ADAMTSL3: variants seen among roughly 807,000 people sequenced by gnomAD.
ADAMTSL3 encodes the protein ADAMTS like 3.
ADAMTSL3 carries 128 observed loss-of-function variants against 201.7 expected under a neutral mutation model. The observed-to-expected ratio is 0.63, with a 90% confidence interval of 0.55 to 0.73. The LOEUF (loss-of-function observed/expected upper bound fraction) is 0.73. Ranked by LOEUF, ADAMTSL3 falls within the 30% of genes least tolerant of loss-of-function variation. The pLI is 0.00. For synonymous variants in ADAMTSL3, 738 were observed against 748.4 expected (o/e 0.99, Z 0.23); for missense variants, 1,990 against 2,119.6 (o/e 0.94, Z 1.20).
intron 5 of ADAMTSL3, among the ~76,000 whole-genome samples, chr15:83,818,292 A>G (rs2063799831): frequency 6.6e-6 from 1 of 150,558 alleles, no homozygotes; most frequent in Non-Finnish European, 1.5e-5. Context: ...CCTTTATAAT[A>G]CAAAAAAATA....
chr15:83,736,607 G>A (rs937562169), intron 3 of ADAMTSL3, among the ~76,000 whole-genome samples: 10 of 152,192 alleles, frequency 6.6e-5, no homozygotes, highest in Non-Finnish European at 1.2e-4. Context: ...GAAGTCCCAA[G>A]GACTGAATCA....
chr15:83,798,125 C>T (rs1298074875), intron 4 of ADAMTSL3, among the ~76,000 whole-genome samples: 2 of 152,182 alleles, frequency 1.3e-5, no homozygotes, highest in East Asian at 3.9e-4. Flanking sequence ...AGGTTTTTGG[C>T]ACAATATGAT....
At chr15:83,701,596 C>T (rs115252424) in intron 2 of ADAMTSL3, among the ~76,000 whole-genome samples, 1 of 152,358 alleles carries the variant, frequency 6.6e-6, no homozygotes, top group South Asian at 2.1e-4. Context: ...ATCCCCCATA[C>T]TGTTCTCATG....
At chr15:83,815,100 C>T (rs1236607180) in intron 5 of ADAMTSL3, among the ~76,000 whole-genome samples, 1 of 152,174 alleles carries the variant, frequency 6.6e-6, no homozygotes, top group Non-Finnish European at 1.5e-5. Context: ...TCTCTTCCTC[C>T]TATCCTTCTC....
intron 5 of ADAMTSL3, among the ~76,000 whole-genome samples, chr15:83,816,453 T>C (rs2063772511): frequency 1.3e-5 from 2 of 152,222 alleles, no homozygotes; most frequent in Admixed American, 1.3e-4. Flanking sequence ...GTTAATTTTG[T>C]GAAACTTCAT....
intron 21 of ADAMTSL3, among the ~76,000 whole-genome samples, chr15:83,984,971 A>C (rs977806302): frequency 3.9e-5 from 6 of 152,252 alleles, no homozygotes; most frequent in Admixed American, 1.3e-4. Context: ...AAAACTAGAC[A>C]AAGGGTCATT....
chr15:83,672,659 C>A (rs1018269530), intron 2 of ADAMTSL3, among the ~76,000 whole-genome samples: 6 of 152,186 alleles, frequency 3.9e-5, no homozygotes, highest in Admixed American at 2.0e-4. Flanking sequence ...GAAACAAGTC[C>A]AACACCCTTT....
chr15:83,748,607 G>T (rs1045592510), intron 3 of ADAMTSL3, among the ~76,000 whole-genome samples: 5 of 131,238 alleles, frequency 3.8e-5, no homozygotes, highest in African/African-American at 1.5e-4. Context: ...CTGAGATTGT[G>T]CCAATGCACA....
In ADAMTSL3 at chr15:83,739,532, A is replaced by G. The variant is rs181374245; in HGVS notation, c.190-33991A>G. ...TATACATGAAACATAAATGAATTTC[A>G]TGTTTAGAATTGGGTGCCATCCCCA... On this transcript the variant is annotated intron_variant, in intron 3 of 29. Transcript: ENST00000286744. Among the ~76,000 whole-genome samples the G allele has an allele frequency of 1.4e-3, 209 of 151,824 alleles. 1 individual carries two copies. Among genetic ancestry groups the G allele is most frequent in the African/African-American group, 4.9e-3 (204 of 41,408 alleles).
intron 5 of ADAMTSL3, among the ~76,000 whole-genome samples, chr15:83,815,819 T>C (rs1262573949): frequency 6.6e-6 from 1 of 152,244 alleles, no homozygotes; most frequent in Non-Finnish European, 1.5e-5. Flanking sequence ...CTAAAAACTT[T>C]CTAGGTCACA....
chr15:83,887,981 A>G lies in ADAMTSL3; in HGVS notation c.1073-2128A>G, dbSNP rs561059561. Among the ~76,000 whole-genome samples the G allele has an allele frequency of 3.9e-5, 6 of 152,304 alleles. No individual in the cohort carries two copies. In the South Asian group the frequency reaches 1.0e-3, roughly 26 times the overall value. On this transcript the variant is annotated intron_variant, in intron 10 of 29. Coordinates refer to ENST00000286744, the MANE Select transcript of ADAMTSL3 (RefSeq NM_207517.3). ...CACATTTGGATCCATAAGATAAAAG[A>G]CACTTACTACTCCAGAGGAGACATT...
At chr15:83,877,177 C>T (rs1423284918) in intron 9 of ADAMTSL3, among the ~76,000 whole-genome samples, 2 of 152,172 alleles carry the variant, frequency 1.3e-5, no homozygotes, top group African/African-American at 4.8e-5. Flanking sequence ...TGAGCTCAAG[C>T]GATTCTCCCA....
rs971744656 is a variant in ADAMTSL3 at position 83,827,513 on chromosome 15, T to C, written c.600+7466T>C. ...TTTGCTGTGCAGAAGCTCTTTAGTTTAGTTAGATCCCATTTGTCAAGTTTG... is the reference window on the plus strand; with the variant it reads ...TTTGCTGTGCAGAAGCTCTTTAGTTCAGTTAGATCCCATTTGTCAAGTTTG... On this transcript the variant is annotated intron_variant, in intron 6 of 29. Coordinates refer to ENST00000286744, the MANE Select transcript of ADAMTSL3 (RefSeq NM_207517.3). Among the ~76,000 whole-genome samples, 16 of 152,352 alleles carry C rather than the reference T, an allele frequency of 1.1e-4. 1 individual carries two copies. Among genetic ancestry groups the C allele is most frequent in the African/African-American group, 3.8e-4 (16 of 41,584 alleles).
intron 27 of ADAMTSL3, among the ~76,000 whole-genome samples, chr15:84,030,784 T>G (rs765726511): frequency 1.3e-5 from 2 of 152,192 alleles, no homozygotes; most frequent in Non-Finnish European, 2.9e-5. Flanking sequence ...TCTTGAATTT[T>G]AATCCCCACA....
intron 5 of ADAMTSL3, among the ~76,000 whole-genome samples, chr15:83,807,117 A>G (rs987399993): frequency 1.3e-5 from 2 of 152,222 alleles, no homozygotes; most frequent in East Asian, 3.8e-4. Context: ...GATATTCAGG[A>G]ATAAATTTAA....
intron 8 of ADAMTSL3, among the ~76,000 whole-genome samples, chr15:83,870,377 C>G (rs1029019708): frequency 6.6e-6 from 1 of 152,114 alleles, no homozygotes; most frequent in African/African-American, 2.4e-5. Context: ...GAAATTATTT[C>G]AAAATCAAAA....
At position 83,971,251 on chromosome 15, in the gene ADAMTSL3, G is replaced by A. The variant is rs140121585; in HGVS notation, c.2644+614G>A. On this transcript the variant is annotated intron_variant, in intron 20 of 29. Coordinates refer to ENST00000286744, the MANE Select transcript of ADAMTSL3 (RefSeq NM_207517.3). ...AGAATATATTTTTACACATGAATAT[G>A]TATGTTTCATATAAGAGTTATGTGG... 5.9e-5 allele frequency among the ~76,000 whole-genome samples: 9 copies of A among 152,200 alleles called. No individual in the cohort carries two copies. The East Asian group carries it at 1.7e-3, about 29-fold the overall frequency.
At chr15:83,915,397 C>T (rs575647935) in intron 16 of ADAMTSL3, among the ~76,000 whole-genome samples, 2 of 152,124 alleles carry the variant, frequency 1.3e-5, no homozygotes, top group East Asian at 3.9e-4. Context: ...TTTTTGGAGC[C>T]TTTTACTAAA....
intron 26 of ADAMTSL3, among the ~76,000 whole-genome samples, chr15:84,022,999 G>A (rs187755152): frequency 4.6e-5 from 7 of 152,052 alleles, no homozygotes; most frequent in East Asian, 1.9e-4. Flanking sequence ...AGTAAATCAC[G>A]CCTTATGTTA....
Sources: gnomAD v4.1 joint callset for allele counts (sites outside exome capture counted in the v4.1 genomes callset) on GRCh38, gnomAD v4.1.1 for gene constraint, MANE v1.5 for transcripts, NCBI Gene and HGNC (gene_info 2026-07-23, HGNC 2026-07-21) for gene names.